Variants in RPRD1A observed in about 807,000 individuals in gnomAD.
The protein encoded by RPRD1A is regulation of nuclear pre-mRNA domain-containing protein 1A.
In RPRD1A, 9 loss-of-function variants were observed where a neutral mutation model predicts 37.8. The ratio of observed to expected loss-of-function variants is 0.24; its 90% CI spans 0.14 to 0.42. RPRD1A has a LOEUF of 0.42. RPRD1A is among the 10% of genes least tolerant of loss of function. The pLI is 1.00. For missense variants in RPRD1A, 255 were observed against 371.0 expected (o/e 0.69, Z 2.57); for synonymous variants, 138 against 139.7 (o/e 0.99, Z 0.08).
Position 36,021,116 on chromosome 18 carries a change from G to A in RPRD1A, c.789+5784C>T, listed in dbSNP as rs568270217. Among the ~76,000 whole-genome samples, 4 of 152,236 alleles carry A rather than the reference G, an allele frequency of 2.6e-5. No homozygotes were observed. In the South Asian group the frequency reaches 8.3e-4, roughly 32 times the overall value. On this transcript the variant is annotated intron_variant, in intron 6 of 6. Transcript: ENST00000399022. ...CTCAAAAATATAAATTAAGAAACTA[G>A]TCACATGCTTCTTTGAAACATCCAC... is the stretch of plus-strand genomic sequence containing the variant.
At chr18:36,047,236 T>G (rs562942312) in intron 1 of RPRD1A, among the ~76,000 whole-genome samples, 3 of 151,334 alleles carry the variant, frequency 2.0e-5, no homozygotes, top group Admixed American at 2.0e-4. Flanking sequence ...AATAAATAAA[T>G]AAAGCAAGAG....
At chr18:36,033,235 G>C (rs1254482136) in intron 2 of RPRD1A, among the ~76,000 whole-genome samples, 2 of 138,232 alleles carry the variant, frequency 1.4e-5, no homozygotes, top group Non-Finnish European at 3.0e-5. Flanking sequence ...CCAAGCGGCA[G>C]AGGTTGCAGT....
At chr18:36,031,519 A>C (rs761892422) in intron 2 of RPRD1A, among the ~76,000 whole-genome samples, 58 of 152,188 alleles carry the variant, frequency 3.8e-4, no homozygotes, top group Non-Finnish European at 6.9e-4. Flanking sequence ...ATTTATAAGT[A>C]TCACAAAAGA....
intron 1 of RPRD1A, among the ~76,000 whole-genome samples, chr18:36,066,662 T>C (rs1373638584): frequency 2.0e-5 from 3 of 152,210 alleles, no homozygotes; most frequent in African/African-American, 4.8e-5. Flanking sequence ...GAAAGGACTT[T>C]AGGTGACTTA....
chr18:36,012,266 T>C (rs1048277070), intron 6 of RPRD1A, among the ~76,000 whole-genome samples: 3 of 152,242 alleles, frequency 2.0e-5, no homozygotes, highest in African/African-American at 7.2e-5. Flanking sequence ...ACAGCCATGC[T>C]ACCAGTTGTA....
Position 36,008,571 on chromosome 18 carries a change from G to GTATATATATA in RPRD1A, c.790-15272_790-15271insTATATATATA, listed in dbSNP as rs1359543093. ...AGCCTGGGCGACACAGCAAGACCTT[G>GTATATATATA]TGTGTGTATATATATATATCTTTAA... is the stretch of plus-strand genomic sequence containing the variant. On this transcript the variant is annotated intron_variant, in intron 6 of 6. Transcript: ENST00000399022. 1.5e-3 allele frequency among the ~76,000 whole-genome samples: 42 copies of GTATATATATA among 27,908 alleles called. 1 individual carries two copies. Among genetic ancestry groups the GTATATATATA allele is most frequent in the African/African-American group, 5.9e-3 (34 of 5,806 alleles). 18.3% of individuals were successfully genotyped at this position (27,908 alleles called of 152,430 possible).
At chr18:35,994,783 C>T (rs192903797) in intron 6 of RPRD1A, among the ~76,000 whole-genome samples, 165 of 152,302 alleles carry the variant, frequency 1.1e-3, no homozygotes, top group Admixed American at 3.5e-3. Context: ...TAATCTACAA[C>T]GTTTCTCAAT....
Position 35,997,475 on chromosome 18 carries a change from GCAACATTCATAAGCAAAACATTCAACACC to G in RPRD1A, c.790-4204_790-4176del, listed in dbSNP as rs531306461. Among the ~76,000 whole-genome samples the G allele has an allele frequency of 4.6e-3, 701 of 152,242 alleles. 4 individuals carry two copies. Among genetic ancestry groups the G allele is most frequent in the African/African-American group, 0.016 (651 of 41,538 alleles). ...TATACATATGTATCTCTTAAGAAAT[GCAACATTCATAAGCAAAACATTCAACACC>G]CAACATTCATAAGCAATTTCTTTAT... On this transcript the variant is annotated intron_variant, in intron 6 of 6. Transcript: ENST00000399022.
intron 1 of RPRD1A, among the ~76,000 whole-genome samples, chr18:36,056,783 G>A (rs1913805554): frequency 6.6e-6 from 1 of 152,012 alleles, no homozygotes; most frequent in Non-Finnish European, 1.5e-5. Flanking sequence ...CCTTAGAACA[G>A]CCACAAGTTA....
chr18:36,004,506 C>T (rs1365880113), intron 6 of RPRD1A, among the ~76,000 whole-genome samples: 2 of 151,390 alleles, frequency 1.3e-5, no homozygotes, highest in Admixed American at 6.6e-5. Context: ...CCTCCCACCT[C>T]GGCTTCCCAA....
intron 6 of RPRD1A, among the ~76,000 whole-genome samples, chr18:36,020,081 T>C (rs181265028): frequency 1.3e-5 from 2 of 152,280 alleles, no homozygotes; most frequent in East Asian, 1.9e-4. Context: ...AGGACGAACC[T>C]GTTGGAAGAT....
At chr18:36,005,572 G>T (rs1334017073) in intron 6 of RPRD1A, among the ~76,000 whole-genome samples, 1 of 152,152 alleles carries the variant, frequency 6.6e-6, no homozygotes, top group African/African-American at 2.4e-5. Flanking sequence ...AAAGTACCCA[G>T]AAGTATCCAA....
At chr18:35,993,987 C>T (rs1376344479) in intron 6 of RPRD1A, among the ~76,000 whole-genome samples, 1 of 152,174 alleles carries the variant, frequency 6.6e-6, no homozygotes, top group Admixed American at 6.5e-5. Context: ...TCACCCCCAA[C>T]TCATGAGGAA....
intron 1 of RPRD1A, among the ~76,000 whole-genome samples, chr18:36,047,351 C>G (rs1367840186): frequency 6.6e-6 from 1 of 151,782 alleles, no homozygotes; most frequent in Non-Finnish European, 1.5e-5. Flanking sequence ...ATTCTGAATA[C>G]CAAAGGTACA....
At chr18:36,021,390 A>T (rs1910985916) in intron 6 of RPRD1A, among the ~76,000 whole-genome samples, 1 of 152,172 alleles carries the variant, frequency 6.6e-6, no homozygotes, top group Non-Finnish European at 1.5e-5. Context: ...GTAATCTGTG[A>T]TCAGTGATTT....
intron 1 of RPRD1A, chr18:36,064,547 C>G (rs2088983971): frequency 1.3e-5 from 2 of 152,236 alleles, no homozygotes; most frequent in Non-Finnish European, 2.9e-5. Flanking sequence ...GTAAACACAC[C>G]AATCAGCACT....
At position 36,052,123 on chromosome 18, in the gene RPRD1A, G is replaced by C. The variant is rs935208557; in HGVS notation, c.151+15131C>G. Among the ~76,000 whole-genome samples the C allele has an allele frequency of 1.4e-4, 19 of 139,722 alleles. 1 individual carries two copies. The highest frequency in any genetic ancestry group is 4.5e-4 in the South Asian group (2 of 4,398). 91.7% of individuals were successfully genotyped at this position (139,722 alleles called of 152,430 possible). A position where few individuals can be genotyped will look rare whatever the true frequency, so the allele number is the denominator to read the frequency against. On this transcript the variant is annotated intron_variant, in intron 1 of 6. Transcript: ENST00000399022. ...TTTCTCATCAGAAACCACGAGACCA[G>C]AAAACAGTGAGACAATGTATTTAAC... is the stretch of plus-strand genomic sequence containing the variant.
intron 1 of RPRD1A, among the ~76,000 whole-genome samples, chr18:36,049,354 C>G (rs561170703): frequency 1.3e-5 from 2 of 152,266 alleles, no homozygotes; most frequent in Admixed American, 6.5e-5. Flanking sequence ...ATTAAAAATA[C>G]AGTTGACTTC....
chr18:36,004,555 A>G (rs1052072969), intron 6 of RPRD1A, among the ~76,000 whole-genome samples: 1 of 152,158 alleles, frequency 6.6e-6, no homozygotes, highest in Non-Finnish European at 1.5e-5. Context: ...GCCCAGCCTC[A>G]GTATTCTTTT....
Sources: allele counts gnomAD v4.1 joint callset (sites outside exome capture counted in the v4.1 genomes callset), GRCh38; gene constraint gnomAD v4.1.1; transcripts MANE v1.5; gene names NCBI Gene and HGNC (gene_info 2026-07-23, HGNC 2026-07-21).